NEK1: variants seen among roughly 807,000 people sequenced by gnomAD.
The protein encoded by NEK1 is serine/threonine-protein kinase Nek1.
A neutral mutation model predicts 182.1 loss-of-function variants in NEK1; 137 were observed. The ratio of observed to expected loss-of-function variants is 0.75; its 90% CI spans 0.65 to 0.87. The LOEUF (loss-of-function observed/expected upper bound fraction) is 0.87. Ranked by LOEUF, NEK1 falls within the 40% of genes least tolerant of loss-of-function variation. The pLI is 0.00. For missense variants in NEK1, 1,391 were observed against 1,494.4 expected (o/e 0.93, Z 1.14); for synonymous variants, 513 against 492.2 (o/e 1.04, Z -0.56).
chr4:169,461,329 A>G (rs1325749269), intron 27 of NEK1, among the ~76,000 whole-genome samples: 1 of 152,106 alleles, frequency 6.6e-6, no homozygotes, highest in Non-Finnish European at 1.5e-5. Context: ...AAAATTGCTT[A>G]TTCTCTGTGG....
chr4:169,602,923 T>A lies in NEK1; in HGVS notation c.-48-245A>T, dbSNP rs187397276. Among the ~76,000 whole-genome samples the A allele has an allele frequency of 4.4e-3, 665 of 152,276 alleles. 3 individuals carry two copies. The highest frequency in any genetic ancestry group is 6.0e-3 in the Non-Finnish European group (411 of 67,972). On this transcript the variant is annotated intron_variant, in intron 2 of 35. Transcript: ENST00000507142. ...ATGCTTTGGAAAGCCAAATACTGCA[T>A]ATACTTAATGTATGGAGAGAAAGGC...
rs1758755012 is a variant in NEK1 at position 169,537,836 on chromosome 4, C to T, written c.1638G>A (p.Gln546=). The part of the protein sequence containing the change: ...EFLQRKREAM[Q]NKARAEGHMG... ...TATGTCCTTCGGCTCGAGCTTTATT[C>T]TGCATAGCTTCCCGTTTTCGCTGCA... The change falls in exon 19 of 36, where the codon CAG becomes CAA. Residue 546 remains glutamine (Q), a synonymous_variant. Transcript: ENST00000507142. 3 of 1,612,716 alleles carry T rather than the reference C, an allele frequency of 1.9e-6. No homozygotes were observed. The African/African-American group carries it at 4.0e-5, about 22-fold the overall frequency.
At chr4:169,430,763 T>C (rs1438315414) in intron 29 of NEK1, among the ~76,000 whole-genome samples, 3 of 152,246 alleles carry the variant, frequency 2.0e-5, no homozygotes, top group African/African-American at 7.2e-5. Flanking sequence ...AATAGTAATG[T>C]GTCAATATTG....
chr4:169,476,289 T>C (rs772306301), intron 26 of NEK1, among the ~76,000 whole-genome samples: 2 of 152,086 alleles, frequency 1.3e-5, no homozygotes, highest in Admixed American at 1.3e-4. Flanking sequence ...TATGGTCTCT[T>C]ATGTATTCCT....
chr4:169,594,771 C>T (rs541121655), intron 5 of NEK1, among the ~76,000 whole-genome samples: 88 of 152,316 alleles, frequency 5.8e-4, no homozygotes, highest in African/African-American at 2.0e-3. Flanking sequence ...AAAAGATGCT[C>T]AGTCTTTCCT....
chr4:169,447,338 A>G (rs141940213), intron 27 of NEK1, among the ~76,000 whole-genome samples: 3 of 152,262 alleles, frequency 2.0e-5, no homozygotes, highest in South Asian at 4.2e-4. Flanking sequence ...ATAATGAAGA[A>G]ATAAAGACTA....
chr4:169,557,362 ATAAGGG>A (rs1300779689), intron 16 of NEK1, among the ~76,000 whole-genome samples: 104 of 152,156 alleles, frequency 6.8e-4, no homozygotes, highest in African/African-American at 2.5e-3. Context: ...TCAGAAAAGG[ATAAGGG>A]TAAAAGTAAA....
Position 169,547,574 on chromosome 4 carries a change from A to G in NEK1, c.1562+8146T>C, listed in dbSNP as rs1031718825. On this transcript the variant is annotated intron_variant, in intron 18 of 35. Coordinates refer to ENST00000507142, the MANE Select transcript of NEK1 (RefSeq NM_001199397.3). ...ATTATATCCTGGAGAGTGTTTTCCAAGTTGGTTTCATTCTCCCCGTCACTT... is the reference window on the plus strand; with the variant it reads ...ATTATATCCTGGAGAGTGTTTTCCAGGTTGGTTTCATTCTCCCCGTCACTT... 3.9e-5 allele frequency among the ~76,000 whole-genome samples: 6 copies of G among 152,154 alleles called. No homozygotes were observed. The East Asian group carries it at 1.2e-3, about 29-fold the overall frequency.
In NEK1 at chr4:169,555,937, T is replaced by G. The variant is rs749867675; in HGVS notation, c.1425A>C (p.Pro475=). The stretch of plus-strand genomic sequence containing the variant: ...TCTGCAGAACATAGCCATACCTTTC[T>G]GGAAGACCTCGACCATATATTTCTC... ...WKREIYGRGL[P]ERGILPGVRP... Residue 475 remains proline, a synonymous_variant, in exon 17 of 36, where the codon CCA becomes CCC. Transcript: ENST00000507142. The G allele has an allele frequency of 6.2e-7, 1 of 1,613,580 alleles. No individual in the cohort carries two copies. Among genetic ancestry groups the G allele is most frequent in the East Asian group, 2.2e-5 (1 of 44,870 alleles).
intron 12 of NEK1, among the ~76,000 whole-genome samples, chr4:169,576,299 C>A (rs1561446996): frequency 6.6e-6 from 1 of 152,090 alleles, no homozygotes; most frequent in Non-Finnish European, 1.5e-5. Flanking sequence ...CTGATCATTC[C>A]TACTATATAA....
At chr4:169,533,282 C>T (rs1417618588) in intron 19 of NEK1, among the ~76,000 whole-genome samples, 1 of 152,208 alleles carries the variant, frequency 6.6e-6, no homozygotes, top group African/African-American at 2.4e-5. Flanking sequence ...ATCAGTATGT[C>T]CCACTCATCC....
At chr4:169,576,797 C>A in intron 12 of NEK1, 131 bp downstream of exon 12, 1 of 878,390 alleles carries the variant, frequency 1.1e-6, no homozygotes, top group Non-Finnish European at 1.7e-6. Flanking sequence ...ACTGGTAAAA[C>A]ACAGAAGGAG....
chr4:169,433,762 G>T, intron 28 of NEK1, 97 bp from the exon 29 acceptor site: 2 of 1,208,300 alleles, frequency 1.7e-6, no homozygotes, highest in Non-Finnish European at 1.2e-6. Flanking sequence ...CTAGTTTTAG[G>T]GTAATATATT....
intron 12 of NEK1, among the ~76,000 whole-genome samples, chr4:169,566,078 G>A (rs1451489622): frequency 6.6e-6 from 1 of 152,078 alleles, no homozygotes; most frequent in African/African-American, 2.4e-5. Context: ...GTTAACTTTA[G>A]TAGCCAGTCT....
chr4:169,479,329 G>A, intron 24 of NEK1, 74 bp downstream of exon 24: 19 of 1,471,324 alleles, frequency 1.3e-5, no homozygotes, highest in Non-Finnish European at 1.7e-5. Context: ...AGGGATTAAT[G>A]TGATTTCATT....
chr4:169,546,729 A>G (rs1055879950), intron 18 of NEK1, among the ~76,000 whole-genome samples: 1 of 152,178 alleles, frequency 6.6e-6, no homozygotes, highest in Non-Finnish European at 1.5e-5. Context: ...CCATTACGCA[A>G]TGCCCTTCTT....
chr4:169,546,885 G>A (rs1307087208), intron 18 of NEK1, among the ~76,000 whole-genome samples: 1 of 152,218 alleles, frequency 6.6e-6, no homozygotes, highest in East Asian at 1.9e-4. Context: ...CATGAGATGG[G>A]TCTCCTGAAT....
intron 12 of NEK1, among the ~76,000 whole-genome samples, chr4:169,570,490 G>A (rs571911124): frequency 5.3e-5 from 8 of 150,950 alleles, no homozygotes; most frequent in South Asian, 2.1e-4. Flanking sequence ...CAGCCGCCCC[G>A]TCCGGAAGGG....
At chr4:169,595,727 T>C (rs927648910) in intron 5 of NEK1, among the ~76,000 whole-genome samples, 1 of 151,748 alleles carries the variant, frequency 6.6e-6, no homozygotes, top group South Asian at 2.1e-4. Context: ...ATCAAGACCA[T>C]CCTGGCTAAC....
Sources: gnomAD v4.1 joint callset for allele counts (sites outside exome capture counted in the v4.1 genomes callset) on GRCh38, gnomAD v4.1.1 for gene constraint, MANE v1.5 for transcripts, NCBI Gene and HGNC (gene_info 2026-07-23, HGNC 2026-07-21) for gene names.